RGS6: variants seen among roughly 807,000 people sequenced by gnomAD.
RGS6 encodes regulator of G protein signaling 6, also known as regulator of G-protein signaling 6.
Under a neutral mutation model 78.5 loss-of-function variants are expected in RGS6, and 30 were observed. The ratio of observed to expected loss-of-function variants is 0.38; its 90% CI spans 0.29 to 0.52. The LOEUF (loss-of-function observed/expected upper bound fraction) is 0.52. RGS6 is among the 20% of genes least tolerant of loss of function. The probability of loss-of-function intolerance (pLI) is 0.85; values close to 1 mark genes in which losing one functional copy is unlikely to be tolerated. For synonymous variants in RGS6, 206 were observed against 206.0 expected (o/e 1.00, Z 0.00); for missense variants, 495 against 609.7 (o/e 0.81, Z 1.98).
the RGS6 span, among the ~76,000 whole-genome samples, chr14:72,614,763 G>T: frequency 2.4e-5 from 2 of 84,178 alleles, no homozygotes; most frequent in Non-Finnish European, 4.4e-5. Context: ...TGTTGCCCAG[G>T]ATCACAAGCC....
At chr14:72,426,795 G>T (rs1163230126) in intron 3 of RGS6, among the ~76,000 whole-genome samples, 1 of 152,204 alleles carries the variant, frequency 6.6e-6, no homozygotes, top group Non-Finnish European at 1.5e-5. Flanking sequence ...GTGACAGATT[G>T]TATTTCCAAA....
intron 2 of RGS6, among the ~76,000 whole-genome samples, chr14:72,348,954 C>T (rs1007063898): frequency 1.3e-5 from 2 of 152,116 alleles, no homozygotes; most frequent in Non-Finnish European, 2.9e-5. Context: ...ATCACAAGGT[C>T]AGGAGATCGA....
intron 16 of RGS6, among the ~76,000 whole-genome samples, chr14:72,537,298 A>G (rs566998438): frequency 1.3e-5 from 2 of 152,278 alleles, no homozygotes; most frequent in Admixed American, 6.5e-5. Flanking sequence ...TCAGCCACGC[A>G]AGCCTTCTCT....
At chr14:72,132,305 C>T (rs759342470) in intron 2 of RGS6, among the ~76,000 whole-genome samples, 1 of 146,968 alleles carries the variant, frequency 6.8e-6, no homozygotes, top group African/African-American at 2.5e-5. Flanking sequence ...TAGGTGGAGT[C>T]TCACTCTGTT....
chr14:72,181,660 A>G (rs2097174636), intron 2 of RGS6, among the ~76,000 whole-genome samples: 1 of 152,236 alleles, frequency 6.6e-6, no homozygotes, highest in African/African-American at 2.4e-5. Flanking sequence ...TGAAAGATTG[A>G]TATTTACTCT....
At chr14:72,461,997 A>C (rs1425173668) in intron 6 of RGS6, among the ~76,000 whole-genome samples, 1 of 152,122 alleles carries the variant, frequency 6.6e-6, no homozygotes, top group Non-Finnish European at 1.5e-5. Context: ...TATTATTGCC[A>C]CTGGGATGTT....
intron 2 of RGS6, among the ~76,000 whole-genome samples, chr14:72,132,986 C>A (rs1171842768): frequency 2.0e-5 from 3 of 151,836 alleles, no homozygotes; most frequent in African/African-American, 7.3e-5. Flanking sequence ...ATTTTCAAAG[C>A]CATAGTTTTG....
the RGS6 span, among the ~76,000 whole-genome samples, chr14:71,903,596 C>T: frequency 6.6e-6 from 1 of 152,110 alleles, no homozygotes; most frequent in African/African-American, 2.4e-5. Context: ...GGTAACGAGC[C>T]TGAATGGGAC....
intron 1 of RGS6, among the ~76,000 whole-genome samples, chr14:71,940,218 CT>C (rs1366049817): frequency 6.6e-6 from 1 of 152,178 alleles, no homozygotes; most frequent in Non-Finnish European, 1.5e-5. Flanking sequence ...GATCATTTTC[CT>C]TTCCCGAGTG....
At chr14:72,357,157 A>C (rs2080479329) in intron 3 of RGS6, among the ~76,000 whole-genome samples, 1 of 152,056 alleles carries the variant, frequency 6.6e-6, no homozygotes, top group South Asian at 2.1e-4. Flanking sequence ...CTGTAATCCC[A>C]GCTACTTGGG....
chr14:72,313,713 A>T (rs1463920092), intron 2 of RGS6, among the ~76,000 whole-genome samples: 1 of 152,226 alleles, frequency 6.6e-6, no homozygotes, highest in East Asian at 1.9e-4. Context: ...TAACAGCATC[A>T]TGATACATAC....
upstream of RGS6, among the ~76,000 whole-genome samples, chr14:71,928,351 T>C (rs894796991): frequency 6.6e-6 from 1 of 151,972 alleles, no homozygotes; most frequent in Non-Finnish European, 1.5e-5. Flanking sequence ...AAGAAAAGAG[T>C]CTTTAGCTCT....
chr14:72,072,313 GT>G (rs1180674409), intron 2 of RGS6, among the ~76,000 whole-genome samples: 172 of 140,538 alleles, frequency 1.2e-3, no homozygotes, highest in East Asian at 2.5e-3. Flanking sequence ...TAGTTTGTTT[GT>G]TTTTTTTTTT....
chr14:72,566,748 G>A (rs1019988045), downstream of RGS6, among the ~76,000 whole-genome samples: 5 of 151,460 alleles, frequency 3.3e-5, no homozygotes, highest in African/African-American at 1.2e-4. Flanking sequence ...CTGGGGCATT[G>A]GACTCATCCT....
chr14:72,001,065 C>T (rs1249879375), intron 2 of RGS6, among the ~76,000 whole-genome samples: 1 of 152,190 alleles, frequency 6.6e-6, no homozygotes, highest in Non-Finnish European at 1.5e-5. Context: ...GGTTTTTGGT[C>T]AGTTGTTTGT....
intron 3 of RGS6, among the ~76,000 whole-genome samples, chr14:72,434,397 C>T (rs1245885147): frequency 6.6e-6 from 1 of 152,226 alleles, no homozygotes; most frequent in Non-Finnish European, 1.5e-5. Context: ...AGCCCTACCT[C>T]CTTCAGCAAA....
chr14:72,597,974 C>A, the RGS6 span, among the ~76,000 whole-genome samples: 1 of 152,194 alleles, frequency 6.6e-6, no homozygotes, highest in South Asian at 2.1e-4. Context: ...CACCCTGTGC[C>A]CTCCTAAAAT....
intron 2 of RGS6, among the ~76,000 whole-genome samples, chr14:72,104,335 C>T (rs768880712): frequency 7.2e-5 from 11 of 152,020 alleles, no homozygotes; most frequent in Non-Finnish European, 1.5e-4. Flanking sequence ...TGATATATTT[C>T]CCTTTTAAAG....
chr14:72,101,151 T>A (rs138562848), intron 2 of RGS6, among the ~76,000 whole-genome samples: 67 of 152,292 alleles, frequency 4.4e-4, no homozygotes, highest in African/African-American at 1.6e-3. Context: ...GCACTCTAAC[T>A]TGGGCAGCAG....
Sources: allele counts gnomAD v4.1 joint callset (sites outside exome capture counted in the v4.1 genomes callset), GRCh38; gene constraint gnomAD v4.1.1; transcripts MANE v1.5; gene names NCBI Gene and HGNC (gene_info 2026-07-23, HGNC 2026-07-21).